The following GLI2 variants were observed in gnomAD, a reference collection of about 807,000 sequenced individuals.
The protein encoded by GLI2 is GLI family zinc finger 2, also known as transcription activator GLI2.
GLI2 carries 22 observed loss-of-function variants against 78.9 expected under a neutral mutation model. The observed-to-expected ratio is 0.28, with a 90% confidence interval of 0.20 to 0.40. GLI2 has a LOEUF of 0.40. Among genes scored for constraint, GLI2 ranks in the 10% least tolerant of loss-of-function variants. The pLI is 1.00. For missense variants in GLI2, 2,097 were observed against 2,213.2 expected (o/e 0.95, Z 1.05); for synonymous variants, 974 against 963.7 (o/e 1.01, Z -0.20).
intron 4 of GLI2, chr2:120,951,735 A>G: frequency 2.9e-6 from 1 of 346,622 alleles, no homozygotes; most frequent in Non-Finnish European, 5.2e-6. Flanking sequence ...CACTGGTTGT[A>G]ACCAACCAAA....
intron 1 of GLI2, among the ~76,000 whole-genome samples, chr2:120,746,266 G>A (rs988275854): frequency 6.6e-6 from 1 of 152,256 alleles, no homozygotes; most frequent in Non-Finnish European, 1.5e-5. Context: ...GGTGGTGGAA[G>A]TCCTGTTCTC....
At chr2:120,851,351 A>G (rs1358876100) in intron 2 of GLI2, among the ~76,000 whole-genome samples, 5 of 152,128 alleles carry the variant, frequency 3.3e-5, no homozygotes, top group African/African-American at 4.8e-5. Context: ...TTTCAGTTCT[A>G]TGTTGCTCTG....
At chr2:120,789,517 G>T (rs1397007965) in intron 1 of GLI2, among the ~76,000 whole-genome samples, 2 of 152,164 alleles carry the variant, frequency 1.3e-5, no homozygotes, top group African/African-American at 4.8e-5. Context: ...TCACCAGGAA[G>T]CCTCCTCTGA....
rs756081434 is a variant in GLI2 at position 120,989,534 on chromosome 2, C to A, written c.3569C>A (p.Pro1190His). Residue 1190 changes from proline to histidine, a missense_variant, in exon 14 of 14, where the codon CCC (proline) becomes CAC (histidine). Transcript: ENST00000361492. ...GACAGCACGCAGCCACACCTGCAGC[C>A]CCGCAGCGGAGCCCCCTCCCAGGGC... The part of the protein sequence containing the change: ...GLDSTQPHLQ[P>H]RSGAPSQGIP... 1 of 1,612,494 alleles carries A rather than the reference C, an allele frequency of 6.2e-7. No homozygotes were observed. Among genetic ancestry groups the A allele is most frequent in the East Asian group, 2.2e-5 (1 of 44,846 alleles).
chr2:120,929,173 A>G (rs2104876458), intron 3 of GLI2, among the ~76,000 whole-genome samples: 1 of 152,318 alleles, frequency 6.6e-6, no homozygotes, highest in Non-Finnish European at 1.5e-5. Flanking sequence ...TTTGGGGAAT[A>G]ATACTATAAA....
Position 120,990,481 on chromosome 2 carries a change from A to G in GLI2, c.4516A>G (p.Ser1506Gly). The part of the protein sequence containing the change: ...DAIMDDGDHS[S>G]LFSGALSPSL... Reference sequence around the variant, plus strand: ...CATCATGGATGATGGCGATCACTCGAGTTTGTTCTCGGGTGCTCTGAGCCC... The same window carrying G: ...CATCATGGATGATGGCGATCACTCGGGTTTGTTCTCGGGTGCTCTGAGCCC... The change falls in exon 14 of 14, where the codon AGT becomes GGT. Residue 1506 changes from serine to glycine, a missense_variant. Physicochemically the swap from Ser to Gly is moderately conservative, Grantham distance 56 (BLOSUM62 0). This residue lies in a region of GLI2 where 1,290 missense variants were observed against 1,261.7 expected (regional missense o/e 1.02). Transcript: ENST00000361492. 1 of 1,613,534 alleles carries G rather than the reference A, an allele frequency of 6.2e-7. No individual in the cohort carries two copies. The highest frequency in any genetic ancestry group is 8.5e-7 in the Non-Finnish European group (1 of 1,179,838).
intron 7 of GLI2, among the ~76,000 whole-genome samples, chr2:120,971,432 T>TCCTC (rs1206580700): frequency 6.6e-6 from 1 of 152,202 alleles, no homozygotes; most frequent in African/African-American, 2.4e-5. Flanking sequence ...TTCCAGAATG[T>TCCTC]CCTCCCTCTC....
At position 120,986,498 on chromosome 2, in the gene GLI2, T is replaced by C; in HGVS notation, c.2126T>C (p.Met709Thr). Reference sequence around the variant, plus strand: ...CAGCTGCGCAAACACATGACCACCATGCACCGGTTCGAGCAGCTCAAGAAG... The same window carrying C: ...CAGCTGCGCAAACACATGACCACCACGCACCGGTTCGAGCAGCTCAAGAAG... ...GLQLRKHMTTMHRFEQLKKEK... is the reference protein window; with the variant it reads ...GLQLRKHMTTTHRFEQLKKEK... Residue 709 changes from methionine (M) to threonine (T), a missense_variant, in exon 13 of 14, where the codon ATG (methionine) becomes ACG (threonine). Transcript: ENST00000361492. The C allele has an allele frequency of 6.2e-7, 1 of 1,614,120 alleles. No individual in the cohort carries two copies. Among genetic ancestry groups the C allele is most frequent in the Non-Finnish European group, 8.5e-7 (1 of 1,180,030 alleles).
chr2:120,933,663 G>T (rs1285055185), intron 3 of GLI2, among the ~76,000 whole-genome samples: 1 of 152,200 alleles, frequency 6.6e-6, no homozygotes, highest in East Asian at 1.9e-4. Flanking sequence ...GGCGAGGAAG[G>T]GTCCCTAAGT....
chr2:120,968,874 G>A lies in GLI2; in HGVS notation c.804G>A (p.Ala268=), dbSNP rs769594700. ...TCAACAACTCCCGAAGCAGCTCGGC[G>A]GCCAGCGGTTCCTACGGGCATCTGT... ...AYINNSRSSS[A]ASGSYGHLSA... The change falls in exon 6 of 14, where the codon GCG becomes GCA. Residue 268 remains alanine, a synonymous_variant. Transcript: ENST00000361492. The A allele has an allele frequency of 2.5e-5, 41 of 1,613,380 alleles. No individual in the cohort carries two copies. Among genetic ancestry groups the A allele is most frequent in the African/African-American group, 9.3e-5 (7 of 74,926 alleles).
intron 8 of GLI2, among the ~76,000 whole-genome samples, chr2:120,974,347 G>A (rs1431630797): frequency 6.6e-6 from 1 of 152,140 alleles, no homozygotes; most frequent in Non-Finnish European, 1.5e-5. Context: ...ATGGTCTTGT[G>A]GGTTAATTCT....
At chr2:120,889,913 A>G (rs1164525743) in intron 2 of GLI2, among the ~76,000 whole-genome samples, 1 of 152,272 alleles carries the variant, frequency 6.6e-6, no homozygotes, top group East Asian at 1.9e-4. Flanking sequence ...GAAGCTTATT[A>G]TAAAGGTAAA....
intron 9 of GLI2, among the ~76,000 whole-genome samples, chr2:120,975,771 G>A (rs1215458199): frequency 6.6e-6 from 1 of 152,132 alleles, no homozygotes; most frequent in East Asian, 1.9e-4. Flanking sequence ...TGGCAGTTAG[G>A]GGTGATGTGT....
intron 4 of GLI2, among the ~76,000 whole-genome samples, chr2:120,952,654 T>A (rs1681054678): frequency 6.6e-6 from 1 of 152,246 alleles, no homozygotes; most frequent in Admixed American, 6.5e-5. Flanking sequence ...CTAGCTGGAA[T>A]GTGACACCAT....
At chr2:120,856,891 G>C (rs898807704) in intron 2 of GLI2, among the ~76,000 whole-genome samples, 1 of 152,048 alleles carries the variant, frequency 6.6e-6, no homozygotes, top group Non-Finnish European at 1.5e-5. Flanking sequence ...GGCCTGGAGG[G>C]AGTAGCCCTC....
intron 2 of GLI2, among the ~76,000 whole-genome samples, chr2:120,841,454 C>A (rs2104579752): frequency 6.6e-6 from 1 of 152,292 alleles, no homozygotes; most frequent in Non-Finnish European, 1.5e-5. Context: ...GGACACTTGA[C>A]CATTTTGTGA....
At chr2:120,849,483 G>A (rs1573476172) in intron 2 of GLI2, among the ~76,000 whole-genome samples, 2 of 152,164 alleles carry the variant, frequency 1.3e-5, no homozygotes, top group Non-Finnish European at 2.9e-5. Flanking sequence ...GATGATGGCG[G>A]CAATTGTGTT....
intron 2 of GLI2, among the ~76,000 whole-genome samples, chr2:120,875,321 G>A (rs969074146): frequency 6.6e-6 from 1 of 152,242 alleles, no homozygotes; most frequent in Non-Finnish European, 1.5e-5. Context: ...CATCTAGAGG[G>A]AAGGCCCATA....
chr2:120,796,807 T>C lies in GLI2; in HGVS notation c.-30-484T>C, dbSNP rs904116386. Among the ~76,000 whole-genome samples, 3 of 152,206 alleles carry C rather than the reference T, an allele frequency of 2.0e-5. No homozygotes were observed. In the East Asian group the frequency reaches 5.8e-4, roughly 29 times the overall value. On this transcript the variant is annotated intron_variant, in intron 1 of 13. Coordinates refer to ENST00000361492, the MANE Select transcript of GLI2 (RefSeq NM_001374353.1). ...TGAGTGCGTGTGAGTCAATAAAGGA[T>C]GAACATTTATTGAATGAATGGGTGA... is the stretch of plus-strand genomic sequence containing the variant.
Sources: allele counts gnomAD v4.1 joint callset (sites outside exome capture counted in the v4.1 genomes callset), GRCh38; gene constraint gnomAD v4.1.1; regional missense constraint gnomAD v4.1.1; transcripts MANE v1.5; gene names NCBI Gene and HGNC (gene_info 2026-07-23, HGNC 2026-07-21).